RNF222: variants seen among roughly 807,000 people sequenced by gnomAD.
RNF222 encodes the protein ring finger protein 222, also known as RING finger protein LOC643904.
RNF222 carries 14 observed loss-of-function variants against 10.8 expected under a neutral mutation model. That is an observed-to-expected ratio of 1.30 (90% CI 0.86 to 2.03). The LOEUF (loss-of-function observed/expected upper bound fraction) is 2.03. Ranked by LOEUF, RNF222 falls within the 30% of genes most tolerant of loss-of-function variation. The probability of loss-of-function intolerance (pLI) is 0.00; values close to 1 mark genes in which losing one functional copy is unlikely to be tolerated. For synonymous variants in RNF222, 141 were observed against 142.5 expected, an observed-to-expected ratio of 0.99 and a Z score of 0.07; for missense variants, 298 against 295.8, an observed-to-expected ratio of 1.01 and a Z score of -0.06.
intron 1 of RNF222, among the ~76,000 whole-genome samples, chr17:8,395,921 CATCT>C (rs1431314127): frequency 5.3e-5 from 8 of 152,292 alleles, no homozygotes; most frequent in South Asian, 4.1e-4. Context: ...TCCATCCATC[CATCT>C]GTCTAATTAT....
rs568542964 is a variant in RNF222, at chr17:8,392,348, C to T, written c.*451G>A. The T allele has an allele frequency of 1.2e-5, 2 of 171,508 alleles. No homozygotes were observed. The highest frequency in any genetic ancestry group is 5.9e-5 in the Admixed American group (1 of 16,958). 10.6% of individuals were successfully genotyped at this position (171,508 alleles called of 1,614,324 possible). On this transcript the variant is annotated 3_prime_UTR_variant, in exon 3 of 3. Transcript: ENST00000399398. The surrounding 1 kb of genome is among the most constrained non-coding windows in gnomAD (Gnocchi z 4.3). ...TCTGGGCGCCCCTTCTGTCTGTTCC[C>T]GAGGGCAAGCCGCAAATCCTGGGTG... is the stretch of plus-strand genomic sequence containing the variant.
In RNF222 at chr17:8,392,020, G is replaced by C. The variant is rs1907850134; in HGVS notation, c.*779C>G. 2.0e-5 allele frequency: 3 copies of C among 152,262 alleles called. No individual in the cohort carries two copies. The highest frequency in any genetic ancestry group is 6.5e-5 in the Admixed American group (1 of 15,278). The allele number at this position is 152,262 out of a possible 1,614,324, so 9.4% of individuals were successfully genotyped here. On this transcript the variant is annotated 3_prime_UTR_variant, in exon 3 of 3. Coordinates refer to ENST00000399398, the MANE Select transcript of RNF222 (RefSeq NM_001146684.3). The surrounding 1 kb of genome is among the most constrained non-coding windows in gnomAD (Gnocchi z 4.3). ...CTGTCAGGCTTCCCCTCCACTCCCT[G>C]CCACCCTTGAGAACCCCAGGACTCA...
rs1907933134 is a variant in RNF222, at chr17:8,393,402, C to T, written c.60G>A (p.Lys20=). Residue 20 remains lysine, a synonymous_variant, in exon 3 of 3, where the codon AAG becomes AAA. Coordinates refer to ENST00000399398, the MANE Select transcript of RNF222 (RefSeq NM_001146684.3). Reference sequence around the variant, plus strand: ...GGCTGGCGCCCTCCAGGTCCCGGAACTTCTCATAGCACACGGGGCACTCAC... The same window carrying T: ...GGCTGGCGCCCTCCAGGTCCCGGAATTTCTCATAGCACACGGGGCACTCAC... ...SGSECPVCYE[K]FRDLEGASRT... 1.9e-6 allele frequency: 3 copies of T among 1,551,690 alleles called. No individual in the cohort carries two copies. Among genetic ancestry groups the T allele is most frequent in the Non-Finnish European group, 2.6e-6 (3 of 1,146,968 alleles).
At chr17:8,393,526 C>T (rs900142717) in intron 2 of RNF222, 40 bp from the exon 3 acceptor site, 4 of 1,485,916 alleles carry the variant, frequency 2.7e-6, no homozygotes, top group Non-Finnish European at 3.6e-6. Context: ...GGCATTTCCT[C>T]TTTCCCTCCC....
In RNF222 at chr17:8,392,140, C is replaced by CT. The variant is rs1052024722; in HGVS notation, c.*658dup. 6.6e-6 allele frequency: 1 copy of CT among 152,450 alleles called. No homozygotes were observed. Among genetic ancestry groups the CT allele is most frequent in the African/African-American group, 2.4e-5 (1 of 41,444 alleles). The allele number at this position is 152,450 out of a possible 1,614,324, so 9.4% of individuals were successfully genotyped here. On this transcript the variant is annotated 3_prime_UTR_variant, in exon 3 of 3. Transcript: ENST00000399398. This position sits in a 1 kb window ranked among gnomAD's most constrained non-coding sequence, Gnocchi z 4.3. ...TGGGGTGGCCTCTATCAACCAACCCCTGTCTCTGGATCTGGCCTCAGCTCT... is the reference window on the plus strand; with the variant it reads ...TGGGGTGGCCTCTATCAACCAACCCCTTGTCTCTGGATCTGGCCTCAGCTCT...
chr17:8,396,135 G>A (rs535048490), intron 1 of RNF222, among the ~76,000 whole-genome samples: 324 of 152,274 alleles, frequency 2.1e-3, no homozygotes, highest in Middle Eastern at 0.014. Context: ...TAGAGACCAA[G>A]GCTGACAAGA....
intron 1 of RNF222, among the ~76,000 whole-genome samples, chr17:8,396,576 G>A (rs761101716): frequency 2.6e-4 from 40 of 151,396 alleles, no homozygotes; most frequent in Non-Finnish European, 5.2e-4. Flanking sequence ...TGGCCTCTCC[G>A]GACAATCCTT....
chr17:8,394,794 G>C (rs966767006), intron 1 of RNF222, among the ~76,000 whole-genome samples: 1 of 152,178 alleles, frequency 6.6e-6, no homozygotes, highest in Non-Finnish European at 1.5e-5. Context: ...TTAACTACAT[G>C]GCTTCCCAAG....
intron 1 of RNF222, among the ~76,000 whole-genome samples, chr17:8,395,906 T>A (rs985509722): frequency 6.6e-6 from 1 of 152,368 alleles, no homozygotes. Flanking sequence ...AGTTCCATCC[T>A]TCTATCCATC....
Position 8,393,088 on chromosome 17 carries a change from G to A in RNF222, c.374C>T (p.Pro125Leu), listed in dbSNP as rs1281226157. ...AWRPPPGQAR[P>L]PGSPGQSAQL... Reference sequence around the variant, plus strand: ...GGCGCTCTGGCCCGGGCTGCCTGGCGGCCTGGCCTGGCCTGGAGGTGGCCT... The same window carrying A: ...GGCGCTCTGGCCCGGGCTGCCTGGCAGCCTGGCCTGGCCTGGAGGTGGCCT... Residue 125 changes from proline to leucine, a missense_variant, in exon 3 of 3, where the codon CCG becomes CTG. Transcript: ENST00000399398. 9 of 1,494,448 alleles carry A rather than the reference G, an allele frequency of 6.0e-6. No individual in the cohort carries two copies. Among genetic ancestry groups the A allele is most frequent in the South Asian group, 1.3e-5 (1 of 76,150 alleles). 92.6% of individuals were successfully genotyped at this position (1,494,448 alleles called of 1,614,324 possible).
At chr17:8,396,684 C>G (rs138858654) in intron 1 of RNF222, among the ~76,000 whole-genome samples, 1 of 152,202 alleles carries the variant, frequency 6.6e-6, no homozygotes, top group South Asian at 2.1e-4. Context: ...CGGAGAGCCA[C>G]GCCGTCAACA....
At position 8,390,998 on chromosome 17, in the gene RNF222, T is replaced by G. The variant is rs1597500406; in HGVS notation, c.*1801A>C. 1 of 151,774 alleles carries G rather than the reference T, an allele frequency of 6.6e-6. No homozygotes were observed. Among genetic ancestry groups the G allele is most frequent in the South Asian group, 2.1e-4 (1 of 4,808 alleles). The allele number at this position is 151,774 out of a possible 1,614,324, so 9.4% of individuals were successfully genotyped here. ...TCCCCATGGAATCCATCTGTATCCC[T>G]CCCCTCCAATAGCACCTGTGCTCTT... On this transcript the variant is annotated 3_prime_UTR_variant, in exon 3 of 3. Coordinates refer to ENST00000399398, the MANE Select transcript of RNF222 (RefSeq NM_001146684.3).
chr17:8,392,879 G>A lies in RNF222; in HGVS notation c.583C>T (p.Leu195=). ...ACCACAGCGATGAGCGTGATGAGCA[G>A]CAGGGCCCGCGATCGGCAGCAGAAG... ...RAFCCRSRAL[L]LITLIAVVAV... Residue 195 remains leucine (L), a synonymous_variant, in exon 3 of 3, where the codon CTG becomes TTG. Transcript: ENST00000399398. The surrounding 1 kb of genome is among the most constrained non-coding windows in gnomAD (Gnocchi z 4.3). The A allele has an allele frequency of 6.5e-7, 1 of 1,533,340 alleles. No individual in the cohort carries two copies. Among genetic ancestry groups the A allele is most frequent in the Non-Finnish European group, 8.7e-7 (1 of 1,146,148 alleles). 95.0% of individuals were successfully genotyped at this position (1,533,340 alleles called of 1,614,324 possible).
intron 1 of RNF222, among the ~76,000 whole-genome samples, chr17:8,397,040 A>T (rs1015842692): frequency 1.2e-4 from 19 of 152,150 alleles, no homozygotes; most frequent in African/African-American, 4.6e-4. Flanking sequence ...TATTATTTAC[A>T]ACAGCGACCA....
Position 8,391,781 on chromosome 17 carries a change from CG to C in RNF222, c.*1017del, listed in dbSNP as rs1290457532. The stretch of plus-strand genomic sequence containing the variant: ...AGGGCACCTGGGCCTCAGCATTTCT[CG>C]GTTGAGATGGCGGCGTCCCTGACAA... On this transcript the variant is annotated 3_prime_UTR_variant, in exon 3 of 3. Coordinates refer to ENST00000399398, the MANE Select transcript of RNF222 (RefSeq NM_001146684.3). The C allele has an allele frequency of 1.3e-5, 2 of 152,262 alleles. No individual in the cohort carries two copies. The highest frequency in any genetic ancestry group is 4.8e-5 in the African/African-American group (2 of 41,452). 9.4% of individuals were successfully genotyped at this position (152,262 alleles called of 1,614,324 possible).
Position 8,392,771 on chromosome 17 carries a change from T to C in RNF222, c.*28A>G, listed in dbSNP as rs988261550. On this transcript the variant is annotated 3_prime_UTR_variant, in exon 3 of 3. Transcript: ENST00000399398. The surrounding 1 kb of genome is among the most constrained non-coding windows in gnomAD (Gnocchi z 4.3). ...CTCCTGTCCCACCCCAGGCCACGGC[T>C]AGCCCGGCGGCCTCCCTGAGGTGCG... 1.4e-5 allele frequency: 22 copies of C among 1,527,400 alleles called. No homozygotes were observed. The African/African-American group carries it at 2.1e-4, about 14-fold the overall frequency. 94.6% of individuals were successfully genotyped at this position (1,527,400 alleles called of 1,614,324 possible). A position where few individuals can be genotyped will look rare whatever the true frequency, so the allele number is the denominator to read the frequency against.
intron 2 of RNF222, among the ~76,000 whole-genome samples, chr17:8,393,752 A>G (rs984149262): frequency 1.3e-5 from 2 of 152,152 alleles, no homozygotes; most frequent in Non-Finnish European, 2.9e-5. Context: ...ACCCAGTCAC[A>G]CTGGACCCCA....
Position 8,394,159 on chromosome 17 carries a change from T to A in RNF222, c.-26+19A>T, listed in dbSNP as rs1907964650. ...CCTCCACATAGTCACGTCAGGGAGCTTTAGGTTCATTCCCTCACCTGCCAC... is the reference window on the plus strand; with the variant it reads ...CCTCCACATAGTCACGTCAGGGAGCATTAGGTTCATTCCCTCACCTGCCAC... On this transcript the variant is annotated intron_variant, in intron 2 of 2. Coordinates refer to ENST00000399398, the MANE Select transcript of RNF222 (RefSeq NM_001146684.3). 1 of 152,262 alleles carries A rather than the reference T, an allele frequency of 6.6e-6. No individual in the cohort carries two copies. Among genetic ancestry groups the A allele is most frequent in the Admixed American group, 6.5e-5 (1 of 15,286 alleles). The allele number at this position is 152,262 out of a possible 1,614,324, so 9.4% of individuals were successfully genotyped here. A position where few individuals can be genotyped will look rare whatever the true frequency, so the allele number is the denominator to read the frequency against.
At chr17:8,397,260 T>A (rs886483333) in intron 1 of RNF222, among the ~76,000 whole-genome samples, 3 of 151,802 alleles carry the variant, frequency 2.0e-5, no homozygotes, top group Admixed American at 1.3e-4. Flanking sequence ...CCTCTTTAGG[T>A]TTAGAGTGAC....
Sources: gnomAD v4.1 joint callset for allele counts (sites outside exome capture counted in the v4.1 genomes callset) on GRCh38, gnomAD v4.1.1 for gene constraint, Gnocchi (gnomAD v3.1) non-coding constraint, MANE v1.5 for transcripts, NCBI Gene and HGNC (gene_info 2026-07-23, HGNC 2026-07-21) for gene names.